Variants in CCDC181 observed in about 807,000 individuals in gnomAD.
CCDC181 encodes coiled-coil domain-containing protein 181.
In CCDC181, 35 loss-of-function variants were observed where a neutral mutation model predicts 58.7. That is an observed-to-expected ratio of 0.60 (90% confidence interval 0.46 to 0.79). The LOEUF is 0.79. CCDC181 is among the 30% of genes least tolerant of loss of function. CCDC181 has a pLI of 0.00. For synonymous variants in CCDC181, 183 were observed against 197.5 expected (o/e 0.93, Z 0.62); for missense variants, 517 against 583.9 (o/e 0.89, Z 1.18).
chr1:169,429,043 T>C (rs547967662), upstream of CCDC181, among the ~76,000 whole-genome samples: 2 of 152,178 alleles, frequency 1.3e-5, no homozygotes, highest in Non-Finnish European at 2.9e-5. Context: ...TGAGAACATA[T>C]GATGTTTGGT....
intron 2 of CCDC181, chr1:169,442,886 T>C (rs574864578): frequency 1.2e-4 from 19 of 152,070 alleles, no homozygotes; most frequent in Admixed American, 2.6e-4. Flanking sequence ...AACTTTTAAA[T>C]ATTGTAGTCA....
chr1:169,395,812 G>A (rs1381412120), intron 5 of CCDC181: 1 of 150,450 alleles, frequency 6.6e-6, no homozygotes, highest in East Asian at 1.9e-4. Flanking sequence ...TGGTATGTAA[G>A]TGTGTATGTG....
At chr1:169,412,117 T>A (rs1655996108) in intron 4 of CCDC181, among the ~76,000 whole-genome samples, 1 of 152,218 alleles carries the variant, frequency 6.6e-6, no homozygotes, top group Non-Finnish European at 1.5e-5. Flanking sequence ...TATTATTGTA[T>A]GTTTAGAAAA....
At chr1:169,457,260 A>G (rs1657699735) in intron 2 of CCDC181, among the ~76,000 whole-genome samples, 1 of 152,042 alleles carries the variant, frequency 6.6e-6, no homozygotes. Context: ...TGATTCCTGT[A>G]TCTGTGGATT....
chr1:169,413,814 A>G (rs1168477523), intron 4 of CCDC181, among the ~76,000 whole-genome samples: 1 of 151,984 alleles, frequency 6.6e-6, no homozygotes, highest in African/African-American at 2.4e-5. Context: ...GTGGAAGTTG[A>G]ACAATGAGAA....
At chr1:169,441,289 A>C (rs1657223110) in intron 2 of CCDC181, among the ~76,000 whole-genome samples, 1 of 152,164 alleles carries the variant, frequency 6.6e-6, no homozygotes, top group Non-Finnish European at 1.5e-5. Flanking sequence ...TCTGATACTT[A>C]ATCACGAAAA....
At chr1:169,395,536 G>A (rs966195539) in intron 5 of CCDC181, among the ~76,000 whole-genome samples, 1 of 152,124 alleles carries the variant, frequency 6.6e-6, no homozygotes, top group African/African-American at 2.4e-5. Context: ...CTATTTGGTA[G>A]ATTCCAAATA....
intron 4 of CCDC181, among the ~76,000 whole-genome samples, chr1:169,401,203 G>A (rs1392359927): frequency 6.6e-5 from 10 of 152,362 alleles, no homozygotes; most frequent in Middle Eastern, 3.4e-3. Flanking sequence ...GCCTGCCTCT[G>A]TAGACTCTAC....
At chr1:169,406,786 TAAAA>T (rs1472134373) in intron 4 of CCDC181, among the ~76,000 whole-genome samples, 4 of 138,612 alleles carry the variant, frequency 2.9e-5, no homozygotes, top group African/African-American at 5.4e-5. Context: ...TAAAGCATAA[TAAAA>T]AAGAAAAGAA....
chr1:169,452,161 T>A (rs928835065), intron 2 of CCDC181, among the ~76,000 whole-genome samples: 4 of 150,756 alleles, frequency 2.7e-5, no homozygotes, highest in Non-Finnish European at 5.9e-5. Flanking sequence ...TAGGTTACAC[T>A]TAAGTTTAGC....
At chr1:169,406,346 A>C (rs2102057200) in intron 4 of CCDC181, among the ~76,000 whole-genome samples, 1 of 152,362 alleles carries the variant, frequency 6.6e-6, no homozygotes, top group Middle Eastern at 3.4e-3. Context: ...ACACATGCAC[A>C]CATATGTTTA....
chr1:169,417,411 G>T (rs974942363), intron 4 of CCDC181, among the ~76,000 whole-genome samples: 1 of 152,072 alleles, frequency 6.6e-6, no homozygotes, highest in African/African-American at 2.4e-5. Flanking sequence ...TATTAATAAA[G>T]AATATAATAA....
At chr1:169,417,478 C>G (rs572518166) in intron 4 of CCDC181, among the ~76,000 whole-genome samples, 5 of 152,268 alleles carry the variant, frequency 3.3e-5, no homozygotes, top group African/African-American at 1.2e-4. Flanking sequence ...TGTGAAGCTT[C>G]CATGCCCTCT....
At chr1:169,441,699 G>C (rs1657233265) in intron 2 of CCDC181, among the ~76,000 whole-genome samples, 1 of 151,798 alleles carries the variant, frequency 6.6e-6, no homozygotes, top group African/African-American at 2.4e-5. Context: ...CTTTTCCTTT[G>C]ATGGGCTTTA....
At chr1:169,434,298 T>C (rs995580534) in intron 2 of CCDC181, among the ~76,000 whole-genome samples, 1 of 151,990 alleles carries the variant, frequency 6.6e-6, no homozygotes, top group African/African-American at 2.4e-5. Flanking sequence ...TTGGCAAGGA[T>C]GTGGATAAAT....
intron 2 of CCDC181, among the ~76,000 whole-genome samples, chr1:169,459,594 A>G (rs1327437520): frequency 2.0e-5 from 3 of 152,208 alleles, no homozygotes; most frequent in Non-Finnish European, 4.4e-5. Context: ...ACAGAATAAA[A>G]AAGAAAAAAC....
chr1:169,401,742 C>T (rs541631963), intron 4 of CCDC181, among the ~76,000 whole-genome samples: 1 of 152,270 alleles, frequency 6.6e-6, no homozygotes, highest in South Asian at 2.1e-4. Flanking sequence ...ATCAGAGTGC[C>T]TCTTCTCCAA....
intron 2 of CCDC181, among the ~76,000 whole-genome samples, chr1:169,438,327 C>A (rs528900638): frequency 5.9e-4 from 90 of 151,944 alleles, no homozygotes; most frequent in African/African-American, 2.1e-3. Context: ...GAATTTCTTA[C>A]CCTTTCTGCC....
intron 2 of CCDC181, among the ~76,000 whole-genome samples, chr1:169,447,916 A>G (rs1657421210): frequency 6.6e-6 from 1 of 152,064 alleles, no homozygotes; most frequent in Non-Finnish European, 1.5e-5. Flanking sequence ...TAACATTGTT[A>G]CTTTTTTCAT....
Sources: gnomAD v4.1 joint callset for allele counts (sites outside exome capture counted in the v4.1 genomes callset) on GRCh38, gnomAD v4.1.1 for gene constraint, MANE v1.5 for transcripts, NCBI Gene and HGNC (gene_info 2026-07-23, HGNC 2026-07-21) for gene names.